Variants in DIP2A observed in about 807,000 individuals in gnomAD.
The protein encoded by DIP2A is DIP2 acetate--CoA ligase A, also known as disco-interacting protein 2 homolog A.
In DIP2A, 85 loss-of-function variants were observed where a neutral mutation model predicts 177.4. The observed-to-expected ratio is 0.48, with a 90% CI of 0.40 to 0.57. The LOEUF is 0.57. Ranked by LOEUF, DIP2A falls within the 20% of genes least tolerant of loss-of-function variation. The pLI is 0.00. For missense variants in DIP2A, 1,791 were observed against 2,100.2 expected (o/e 0.85, Z 2.88); for synonymous variants, 886 against 881.8 (o/e 1.00, Z -0.08).
intron 6 of DIP2A, among the ~76,000 whole-genome samples, chr21:46,505,740 A>G (rs904957134): frequency 1.3e-5 from 2 of 152,196 alleles, no homozygotes; most frequent in Non-Finnish European, 1.5e-5. Flanking sequence ...GGCTTTCCCC[A>G]TACACTTCAG....
chr21:46,539,671 C>G, intron 16 of DIP2A: 1 of 597,486 alleles, frequency 1.7e-6, no homozygotes, highest in Non-Finnish European at 3.1e-6. Flanking sequence ...CCAGACCATC[C>G]ATGGCTGTCT....
chr21:46,580,530 T>G, the DIP2A span, among the ~76,000 whole-genome samples: 2 of 152,230 alleles, frequency 1.3e-5, no homozygotes, highest in East Asian at 3.9e-4. Flanking sequence ...ATGTAGTTGC[T>G]TCACAGTGTC....
intron 1 of DIP2A, among the ~76,000 whole-genome samples, chr21:46,477,543 T>TTTGTGTGTGTGTGTGTGTGTGTGTGTG (rs374607636): frequency 1.1e-5 from 1 of 87,094 alleles, no homozygotes; most frequent in Non-Finnish European, 2.3e-5. Context: ...AAAAAAAGAT[T>TTTGTGTGTGTGTGTGTGTGTGTGTGTG]TGTGTGTGTG....
chr21:46,461,471 T>G lies in DIP2A; in HGVS notation c.91+2249T>G, dbSNP rs182506458. Among the ~76,000 whole-genome samples the G allele has an allele frequency of 1.1e-4, 16 of 152,244 alleles. 2 individuals carry two copies. Among genetic ancestry groups the G allele is most frequent in the African/African-American group, 3.6e-4 (15 of 41,552 alleles). ...TGCATTTCAAACATATTTTTGCGTA[T>G]TGCTCCTAATTTCTGCTCCAATGTA... On this transcript the variant is annotated intron_variant, in intron 1 of 37. Transcript: ENST00000417564.
intron 26 of DIP2A, 74 bp downstream of exon 26, chr21:46,554,366 C>T: frequency 1.9e-6 from 3 of 1,579,968 alleles, no homozygotes; most frequent in South Asian, 1.2e-5. Context: ...CCCCTAGACA[C>T]TCCCTCCCCG....
intron 13 of DIP2A, 126 bp downstream of exon 13, chr21:46,534,813 C>T (rs2059495571): frequency 2.6e-6 from 2 of 767,410 alleles, no homozygotes; most frequent in Non-Finnish European, 4.2e-6. Context: ...CCCATTAATC[C>T]GGGTCATGCC....
intron 3 of DIP2A, among the ~76,000 whole-genome samples, chr21:46,494,960 A>G (rs1229205109): frequency 1.3e-5 from 2 of 152,170 alleles, no homozygotes; most frequent in Admixed American, 6.5e-5. Flanking sequence ...TGGTGTTTCA[A>G]GACCACAGTC....
rs750831684 is a variant in DIP2A, at chr21:46,566,622, C to T, written c.4402C>T (p.Arg1468Trp). The T allele has an allele frequency of 2.4e-5, 38 of 1,614,134 alleles. No homozygotes were observed. The highest frequency in any genetic ancestry group is 2.9e-5 in the Non-Finnish European group (34 of 1,179,974). The change falls in exon 37 of 38, where the codon CGG becomes TGG. Residue 1468 changes from arginine (R) to tryptophan (W), a missense_variant. Transcript: ENST00000417564. The part of the protein sequence containing the change: ...LDETLELRGM[R>W]YHPIDIETSV... ...TGAAACTCTGGAGCTCAGAGGCATG[C>T]GGTACCACCCCATCGACATTGAGAC...
At chr21:46,508,760 C>T (rs1390231058) in intron 6 of DIP2A, among the ~76,000 whole-genome samples, 1 of 152,062 alleles carries the variant, frequency 6.6e-6, no homozygotes, top group South Asian at 2.1e-4. Context: ...CGGTGGCACA[C>T]GCCTGTGATC....
At chr21:46,534,500 C>G in intron 12 of DIP2A, 85 bp from the exon 13 acceptor site, 1 of 1,327,114 alleles carries the variant, frequency 7.5e-7, no homozygotes, top group South Asian at 1.3e-5. Flanking sequence ...ACCACTTCTT[C>G]TTTTGAAGAT....
At chr21:46,555,636 G>T (rs577367155) in intron 28 of DIP2A, 1 of 290,690 alleles carries the variant, frequency 3.4e-6, no homozygotes, top group Non-Finnish European at 6.6e-6. Context: ...GTCGGGACTC[G>T]GCTCATCTGG....
chr21:46,582,489 T>C, the DIP2A span, among the ~76,000 whole-genome samples: 1 of 152,166 alleles, frequency 6.6e-6, no homozygotes. Context: ...GTTGCACAGA[T>C]CTGTGGAAAA....
intron 3 of DIP2A, among the ~76,000 whole-genome samples, chr21:46,496,437 G>A (rs2057366613): frequency 6.6e-6 from 1 of 152,214 alleles, no homozygotes. Flanking sequence ...TCTAACTTCA[G>A]TGTTTTAAAG....
chr21:46,550,587 G>T lies in DIP2A; in HGVS notation c.2682G>T (p.Leu894=), dbSNP rs781506125. Reference sequence around the variant, plus strand: ...AGGTGGGCGTGTACTGTCTGGCCCTGGTTCCTGCCAACACCTTGCCCAAGG... The same window carrying T: ...AGGTGGGCGTGTACTGTCTGGCCCTTGTTCCTGCCAACACCTTGCCCAAGG... ...IHQVGVYCLA[L]VPANTLPKAP... The change falls in exon 23 of 38, where the codon CTG becomes CTT. Residue 894 remains leucine, a synonymous_variant. Coordinates refer to ENST00000417564, the MANE Select transcript of DIP2A (RefSeq NM_015151.4). 67 of 1,613,554 alleles carry T rather than the reference G, an allele frequency of 4.2e-5. No homozygotes were observed. Among genetic ancestry groups the T allele is most frequent in the Non-Finnish European group, 5.6e-5 (66 of 1,179,820 alleles).
chr21:46,566,635 T>A lies in DIP2A; in HGVS notation c.4415T>A (p.Ile1472Asn), dbSNP rs779026764. The A allele has an allele frequency of 6.2e-7, 1 of 1,614,222 alleles. No homozygotes were observed. The highest frequency in any genetic ancestry group is 8.5e-7 in the Non-Finnish European group (1 of 1,180,020). The change falls in exon 37 of 38, where the codon ATC becomes AAC. Residue 1472 changes from isoleucine (I) to asparagine (N), a missense_variant. Transcript: ENST00000417564. The stretch of plus-strand genomic sequence containing the variant: ...CTCAGAGGCATGCGGTACCACCCCA[T>A]CGACATTGAGACCTCTGTCATCCGA... ...LELRGMRYHP[I>N]DIETSVIRAH...
chr21:46,484,290 C>T (rs749726289), intron 1 of DIP2A, among the ~76,000 whole-genome samples: 1 of 152,182 alleles, frequency 6.6e-6, no homozygotes, highest in East Asian at 1.9e-4. Flanking sequence ...TATTTACACA[C>T]AGTAAAATTC....
chr21:46,478,317 A>G (rs1015546263), intron 1 of DIP2A, among the ~76,000 whole-genome samples: 2 of 151,682 alleles, frequency 1.3e-5, no homozygotes, highest in Admixed American at 6.6e-5. Flanking sequence ...GGTTCAAGCC[A>G]TTCTCCTGCC....
intron 1 of DIP2A, among the ~76,000 whole-genome samples, chr21:46,461,458 A>G (rs1337075381): frequency 6.6e-6 from 1 of 152,070 alleles, no homozygotes; most frequent in African/African-American, 2.4e-5. Context: ...CATTTCAAAC[A>G]TATTTTTGCG....
At chr21:46,481,280 CT>C (rs1457126686) in intron 1 of DIP2A, among the ~76,000 whole-genome samples, 1 of 152,196 alleles carries the variant, frequency 6.6e-6, no homozygotes, top group Non-Finnish European at 1.5e-5. Context: ...TTTATTCACA[CT>C]TTTGCAAGTA....
Sources: allele counts gnomAD v4.1 joint callset (sites outside exome capture counted in the v4.1 genomes callset), GRCh38; gene constraint gnomAD v4.1.1; transcripts MANE v1.5; gene names NCBI Gene and HGNC (gene_info 2026-07-23, HGNC 2026-07-21).